NTNG2: variants seen among roughly 807,000 people sequenced by gnomAD.
NTNG2 encodes netrin G2.
In NTNG2, 15 loss-of-function variants were observed where a neutral mutation model predicts 47.6. The ratio of observed to expected loss-of-function variants is 0.32; its 90% CI spans 0.21 to 0.49. The LOEUF is 0.49. Ranked by LOEUF, NTNG2 falls within the 20% of genes least tolerant of loss-of-function variation. NTNG2 has a pLI of 0.99. For synonymous variants in NTNG2, 307 were observed against 324.6 expected (o/e 0.95, Z 0.58); for missense variants, 578 against 764.6 (o/e 0.76, Z 2.88).
Position 132,162,567 on chromosome 9 carries a change from A to AGTGTGTGT in NTNG2, c.-484+329_-484+330insTGTGTGTG, listed in dbSNP as rs1491423706. On this transcript the variant is annotated intron_variant, in intron 1 of 7. Transcript: ENST00000393229. The surrounding 1 kb of genome is among the most constrained non-coding windows in gnomAD (Gnocchi z 4.6). Reference sequence around the variant, plus strand: ...GTGTGTGTGTGTGTGAGAGAGAGACAGAGTGTGTGTGTGTGTGTGTGTGTG... The same window carrying AGTGTGTGT: ...GTGTGTGTGTGTGTGAGAGAGAGACAGTGTGTGTGAGTGTGTGTGTGTGTGTGTGTGTG... 3.5e-4 allele frequency among the ~76,000 whole-genome samples: 36 copies of AGTGTGTGT among 101,772 alleles called. 1 individual carries two copies. Among genetic ancestry groups the AGTGTGTGT allele is most frequent in the African/African-American group, 1.3e-3 (36 of 27,504 alleles). 66.8% of individuals were successfully genotyped at this position (101,772 alleles called of 152,430 possible). A position where few individuals can be genotyped will look rare whatever the true frequency, so the allele number is the denominator to read the frequency against.
At chr9:132,234,652 A>G (rs1841490373) in intron 5 of NTNG2, among the ~76,000 whole-genome samples, 1 of 152,232 alleles carries the variant, frequency 6.6e-6, no homozygotes, top group Admixed American at 6.5e-5. Context: ...CTGCGGGCGG[A>G]AAACGCCGCT....
At chr9:132,186,100 C>T (rs1056762285) in intron 2 of NTNG2, among the ~76,000 whole-genome samples, 4 of 152,166 alleles carry the variant, frequency 2.6e-5, no homozygotes, top group African/African-American at 7.2e-5. Flanking sequence ...TGCAAAGCAC[C>T]GGCCAAATTT....
Position 132,184,041 on chromosome 9 carries a change from T to G in NTNG2, c.214-13925T>G, listed in dbSNP as rs1284026059. On this transcript the variant is annotated intron_variant, in intron 2 of 7. Coordinates refer to ENST00000393229, the MANE Select transcript of NTNG2 (RefSeq NM_032536.4). ...CACAAATAGTTGATGAATAAGTGAA[T>G]GAATAAATCAATGAAACTTACCAGC... Among the ~76,000 whole-genome samples, 5 of 152,274 alleles carry G rather than the reference T, an allele frequency of 3.3e-5. No individual in the cohort carries two copies. The East Asian group carries it at 9.7e-4, about 29-fold the overall frequency.
Position 132,226,069 on chromosome 9 carries a change from G to C in NTNG2, c.858-780G>C, listed in dbSNP as rs1424790040. Among the ~76,000 whole-genome samples, 1 of 152,142 alleles carries C rather than the reference G, an allele frequency of 6.6e-6. No individual in the cohort carries two copies. Among genetic ancestry groups the C allele is most frequent in the Non-Finnish European group, 1.5e-5 (1 of 68,020 alleles). ...TGCTGGCCTCTCAGTGGGAAGTTCT[G>C]GGCTGGTGCGGCTCAGTGCCTGGAG... On this transcript the variant is annotated intron_variant, in intron 3 of 7. Coordinates refer to ENST00000393229, the MANE Select transcript of NTNG2 (RefSeq NM_032536.4). This position sits in a 1 kb window ranked among gnomAD's most constrained non-coding sequence, Gnocchi z 4.8.
intron 2 of NTNG2, among the ~76,000 whole-genome samples, chr9:132,183,600 G>C (rs1837112242): frequency 1.3e-5 from 2 of 152,188 alleles, no homozygotes; most frequent in African/African-American, 4.8e-5. Context: ...CAGGACACAG[G>C]TGACTTCTCT....
intron 3 of NTNG2, among the ~76,000 whole-genome samples, chr9:132,216,448 G>C (rs1258099728): frequency 2.0e-5 from 3 of 149,252 alleles, no homozygotes; most frequent in Non-Finnish European, 3.0e-5. Context: ...GTGTGTGTGT[G>C]TGTGTGTGTG....
In NTNG2 at chr9:132,215,818, T is replaced by A. The variant is rs1056428500; in HGVS notation, c.858-11031T>A. Among the ~76,000 whole-genome samples the A allele has an allele frequency of 1.2e-4, 18 of 152,218 alleles. No individual in the cohort carries two copies. Among genetic ancestry groups the A allele is most frequent in the African/African-American group, 4.3e-4 (18 of 41,520 alleles). On this transcript the variant is annotated intron_variant, in intron 3 of 7. Transcript: ENST00000393229. This position sits in a 1 kb window ranked among gnomAD's most constrained non-coding sequence, Gnocchi z 4.2. ...CCTCAGGGCTGCCAGGTAAGGCCGA[T>A]CTTGGCACCTGGGAGCCCATGTACT... is the stretch of plus-strand genomic sequence containing the variant.
At chr9:132,169,392 T>C (rs1431732407) in intron 2 of NTNG2, among the ~76,000 whole-genome samples, 1 of 152,184 alleles carries the variant, frequency 6.6e-6, no homozygotes, top group Non-Finnish European at 1.5e-5. Context: ...GGGGTGGTTT[T>C]TGGAGGGGGT....
chr9:132,169,725 A>G (rs898604255), intron 2 of NTNG2, among the ~76,000 whole-genome samples: 14 of 152,330 alleles, frequency 9.2e-5, no homozygotes, highest in Non-Finnish European at 1.6e-4. Flanking sequence ...GGGACGGCAC[A>G]GCCCGGCCGT....
chr9:132,240,290 A>G (rs1841896865), intron 6 of NTNG2, among the ~76,000 whole-genome samples: 1 of 152,238 alleles, frequency 6.6e-6, no homozygotes, highest in South Asian at 2.1e-4. Context: ...GGGACAGGGC[A>G]GGGCCTTTGG....
At chr9:132,185,683 C>T (rs1047920487) in intron 2 of NTNG2, among the ~76,000 whole-genome samples, 3 of 152,048 alleles carry the variant, frequency 2.0e-5, no homozygotes, top group Admixed American at 6.6e-5. Context: ...TCTTCTCTCC[C>T]GTTCTTTCAT....
At chr9:132,191,662 C>A (rs140618958) in intron 2 of NTNG2, among the ~76,000 whole-genome samples, 1,642 of 152,198 alleles carry the variant, frequency 0.011, 41 homozygotes, top group African/African-American at 0.037. Context: ...AGCTCCACCT[C>A]CTGGGTTCAC....
In NTNG2 at chr9:132,231,373, C is replaced by A. The variant is rs1395936886; in HGVS notation, c.1054+778C>A. ...AGAGGACTGGCCAATGTCAAAGAGC[C>A]AGCCGGGAGCAGACCCCAAATCTCA... is the stretch of plus-strand genomic sequence containing the variant. On this transcript the variant is annotated intron_variant, in intron 5 of 7. Coordinates refer to ENST00000393229, the MANE Select transcript of NTNG2 (RefSeq NM_032536.4). This position sits in a 1 kb window ranked among gnomAD's most constrained non-coding sequence, Gnocchi z 4.1. The A allele has an allele frequency of 2.2e-6, 1 of 455,446 alleles. No homozygotes were observed. Among genetic ancestry groups the A allele is most frequent in the Non-Finnish European group, 4.4e-6 (1 of 226,376 alleles). 28.2% of individuals were successfully genotyped at this position (455,446 alleles called of 1,614,324 possible).
chr9:132,198,271 G>T lies in NTNG2; in HGVS notation c.519G>T (p.Glu173Asp). ...AGTTCTACGCCGAGGACTGCATGGA[G>T]GCCTTCGGTATGTCCGCCCGCCGGG... is the stretch of plus-strand genomic sequence containing the variant. ...PYQFYAEDCM[E>D]AFGMSARRAR... is the part of the protein sequence containing the mutation. The change falls in exon 3 of 8, where the codon GAG becomes GAT. Residue 173 changes from glutamate to aspartate, a missense_variant. Coordinates refer to ENST00000393229, the MANE Select transcript of NTNG2 (RefSeq NM_032536.4). 6.2e-7 allele frequency: 1 copy of T among 1,612,606 alleles called. No individual in the cohort carries two copies. The highest frequency in any genetic ancestry group is 1.3e-5 in the African/African-American group (1 of 75,064).
At chr9:132,227,638 T>C (rs2130942714) in intron 4 of NTNG2, among the ~76,000 whole-genome samples, 1 of 152,294 alleles carries the variant, frequency 6.6e-6, no homozygotes, top group Non-Finnish European at 1.5e-5. Context: ...TTTACAGATG[T>C]GTCCTCTACG....
At chr9:132,165,542 G>T (rs1414855961) in intron 1 of NTNG2, among the ~76,000 whole-genome samples, 1 of 152,136 alleles carries the variant, frequency 6.6e-6, no homozygotes, top group African/African-American at 2.4e-5. Context: ...GCCTATGATT[G>T]GGGGGCTGTT....
chr9:132,175,138 G>A (rs920411711), intron 2 of NTNG2, among the ~76,000 whole-genome samples: 5 of 151,924 alleles, frequency 3.3e-5, no homozygotes, highest in Non-Finnish European at 5.9e-5. Flanking sequence ...TGATTCGAGG[G>A]GAAAGTGTGT....
intron 3 of NTNG2, among the ~76,000 whole-genome samples, chr9:132,211,475 G>A (rs1207089570): frequency 1.3e-5 from 2 of 152,086 alleles, no homozygotes; most frequent in Non-Finnish European, 2.9e-5. Context: ...TTAGACTCAA[G>A]TCTGTGCTCT....
At chr9:132,240,061 G>C (rs1841883919) in intron 6 of NTNG2, among the ~76,000 whole-genome samples, 1 of 152,250 alleles carries the variant, frequency 6.6e-6, no homozygotes, top group South Asian at 2.1e-4. Context: ...GTCGTCAGTA[G>C]AGGCCAGGTC....
Sources: gnomAD v4.1 joint callset for allele counts (sites outside exome capture counted in the v4.1 genomes callset) on GRCh38, gnomAD v4.1.1 for gene constraint, Gnocchi (gnomAD v3.1) non-coding constraint, MANE v1.5 for transcripts, NCBI Gene and HGNC (gene_info 2026-07-23, HGNC 2026-07-21) for gene names.